Variants in ATRX observed in about 807,000 individuals in gnomAD.
ATRX encodes chromatin remodeler ATRX.
Under a neutral mutation model 172.6 loss-of-function variants are expected in ATRX, and 12 were observed. That is an observed-to-expected ratio of 0.07 (90% confidence interval 0.04 to 0.11). The LOEUF is 0.11. Among genes scored for constraint, ATRX ranks in the 10% least tolerant of loss-of-function variants. The probability of loss-of-function intolerance (pLI) is 1.00; values close to 1 mark genes in which losing one functional copy is unlikely to be tolerated. For synonymous variants in ATRX, 674 were observed against 594.7 expected (o/e 1.13, Z -1.94); for missense variants, 1,368 against 1,767.4 (o/e 0.77, Z 4.05).
chrX:77,510,717 G>A (rs2062840510), intron 34 of ATRX, among the ~76,000 whole-genome samples: 1 of 112,286 alleles, frequency 8.9e-6, no homozygotes, highest in Admixed American at 9.4e-5. Flanking sequence ...CTTGTGAAAA[G>A]CGGAGGGAAG....
At chrX:77,521,968 T>C in intron 32 of ATRX, 1 of 283,308 alleles carries the variant, frequency 3.5e-6, no homozygotes, top group Non-Finnish European at 6.3e-6. Flanking sequence ...ATTATAACTA[T>C]TTTATAACTG....
At chrX:77,735,812 A>C (rs1301212999) in intron 1 of ATRX, among the ~76,000 whole-genome samples, 3 of 96,357 alleles carry the variant, frequency 3.1e-5, no homozygotes, top group African/African-American at 7.7e-5. Flanking sequence ...AAAAAACTAA[A>C]TAAATAAATA....
At chrX:77,641,154 A>G (rs1251586736) in intron 15 of ATRX, among the ~76,000 whole-genome samples, 5 of 111,895 alleles carry the variant, frequency 4.5e-5, no homozygotes, top group Non-Finnish European at 9.4e-5. Flanking sequence ...TTAATAAAAC[A>G]TTACTAGGTT....
chrX:77,509,953 T>A (rs1422293346), intron 34 of ATRX, among the ~76,000 whole-genome samples: 2 of 90,304 alleles, frequency 2.2e-5, no homozygotes, highest in Non-Finnish European at 4.2e-5. Flanking sequence ...CCAGCCAGGG[T>A]GGCCAGGAGA....
chrX:77,733,705 C>CT lies in ATRX; in HGVS notation c.21-16463dup, dbSNP rs200141571. ...CCAACAGGGTGAAACCCCATCTATG[C>CT]TAAAAAAAAAAAAAAAAAAAAAAAA... On this transcript the variant is annotated intron_variant, in intron 1 of 34. Transcript: ENST00000373344. 0.016 allele frequency among the ~76,000 whole-genome samples: 569 copies of CT among 34,674 alleles called. 33 individuals carry two copies. In the Admixed American group the frequency reaches 0.21, roughly 13 times the overall value. The allele number at this position is 34,674 out of a possible 115,157, so 30.1% of individuals were successfully genotyped here.
chrX:77,707,767 G>A (rs1300102425), intron 2 of ATRX, among the ~76,000 whole-genome samples: 1 of 111,452 alleles, frequency 9.0e-6, no homozygotes, highest in African/African-American at 3.3e-5. Context: ...ACTGGACAGA[G>A]GGTTTGAATA....
intron 14 of ATRX, among the ~76,000 whole-genome samples, 180 bp downstream of exon 14, chrX:77,653,918 A>T (rs1035800985): frequency 8.9e-6 from 1 of 112,071 alleles, no homozygotes; most frequent in Non-Finnish European, 1.9e-5. Flanking sequence ...ATAGAAAAAA[A>T]TGATAATGTC....
At chrX:77,563,121 T>C (rs1389500566) in intron 28 of ATRX, among the ~76,000 whole-genome samples, 2 of 112,889 alleles carry the variant, frequency 1.8e-5, no homozygotes, top group South Asian at 3.6e-4. Context: ...ATTGATTTTT[T>C]ATTTAATGGG....
At chrX:77,764,604 TAGA>T (rs1170671871) in intron 1 of ATRX, among the ~76,000 whole-genome samples, 2 of 112,405 alleles carry the variant, frequency 1.8e-5, no homozygotes, top group South Asian at 3.6e-4. Flanking sequence ...ATTTTTCATG[TAGA>T]AGGAGTAGAG....
chrX:77,687,518 T>C (rs2071645659), intron 7 of ATRX, among the ~76,000 whole-genome samples: 1 of 112,093 alleles, frequency 8.9e-6, no homozygotes, highest in South Asian at 3.7e-4. Context: ...GAAAAGGTGC[T>C]CACTGATACA....
At chrX:77,640,074 T>C (rs1237718853) in intron 15 of ATRX, among the ~76,000 whole-genome samples, 1 of 111,622 alleles carries the variant, frequency 9.0e-6, no homozygotes, top group Non-Finnish European at 1.9e-5. Context: ...CAAATTCACA[T>C]AGGAACAGAA....
intron 30 of ATRX, among the ~76,000 whole-genome samples, chrX:77,539,995 T>C (rs2063909442): frequency 9.0e-6 from 1 of 111,627 alleles, no homozygotes. Context: ...ATGGGCTAAA[T>C]TCCCCCACTT....
At chrX:77,769,313 T>C (rs2076079171) in intron 1 of ATRX, among the ~76,000 whole-genome samples, 1 of 106,990 alleles carries the variant, frequency 9.3e-6, no homozygotes, top group African/African-American at 3.5e-5. Flanking sequence ...AGTCTCACCC[T>C]GTAGCCCAGG....
At chrX:77,681,375 T>C (rs782582920) in intron 9 of ATRX, 145 bp downstream of exon 9, 7 of 565,727 alleles carry the variant, frequency 1.2e-5, no homozygotes, top group Admixed American at 1.1e-4. Flanking sequence ...AGGGAAACTT[T>C]TTTTAATAAA....
At chrX:77,657,472 G>T (rs983619153) in intron 12 of ATRX, among the ~76,000 whole-genome samples, 2 of 111,256 alleles carry the variant, frequency 1.8e-5, no homozygotes, top group Non-Finnish European at 3.8e-5. Context: ...TTCAAACATG[G>T]GCAGGCACAT....
intron 1 of ATRX, among the ~76,000 whole-genome samples, chrX:77,745,173 GAAAA>G (rs1247509964): frequency 3.6e-5 from 1 of 27,446 alleles, no homozygotes; most frequent in Non-Finnish European, 6.4e-5. Flanking sequence ...TCTCAAAAAT[GAAAA>G]AAAAAAAAAA....
intron 7 of ATRX, among the ~76,000 whole-genome samples, chrX:77,686,619 G>C (rs1467403667): frequency 1.8e-5 from 2 of 110,992 alleles, no homozygotes; most frequent in Non-Finnish European, 3.8e-5. Flanking sequence ...TAAAGGTTGA[G>C]GCAGGAGACT....
At chrX:77,534,990 G>T (rs1232178014) in intron 30 of ATRX, among the ~76,000 whole-genome samples, 1 of 111,585 alleles carries the variant, frequency 9.0e-6, no homozygotes, top group Non-Finnish European at 1.9e-5. Flanking sequence ...AAAATCACCA[G>T]AATACTTAAC....
chrX:77,528,443 T>C (rs968074426), intron 30 of ATRX, among the ~76,000 whole-genome samples: 2 of 111,372 alleles, frequency 1.8e-5, no homozygotes, highest in Non-Finnish European at 3.8e-5. Flanking sequence ...CCATCCCTCC[T>C]GACTGGGTGA....
Sources: allele counts gnomAD v4.1 joint callset (sites outside exome capture counted in the v4.1 genomes callset), GRCh38; gene constraint gnomAD v4.1.1; transcripts MANE v1.5; gene names NCBI Gene and HGNC (gene_info 2026-07-23, HGNC 2026-07-21).